RETREG2: variants seen among roughly 807,000 people sequenced by gnomAD.
RETREG2 encodes the protein reticulophagy regulator 2.
Under a neutral mutation model 51.6 loss-of-function variants are expected in RETREG2, and 21 were observed. That is an observed-to-expected ratio of 0.41 (90% CI 0.29 to 0.59). The LOEUF (loss-of-function observed/expected upper bound fraction) is 0.59, where lower values mean the gene tolerates loss of function less well. Among genes scored for constraint, RETREG2 ranks in the 20% least tolerant of loss-of-function variants. The probability of loss-of-function intolerance (pLI) is 0.34; values close to 1 mark genes in which losing one functional copy is unlikely to be tolerated. For missense variants in RETREG2, 674 were observed against 646.0 expected (o/e 1.04, Z -0.47); for synonymous variants, 339 against 288.6 (o/e 1.17, Z -1.77).
chr2:219,178,639 G>A lies in RETREG2; in HGVS notation c.281+6G>A. On this transcript the variant is annotated splice_donor_region_variant and intron_variant, in intron 1 of 8. Transcript: ENST00000430297. Reference sequence around the variant, plus strand: ...GCGCTCAACGGCCTCTTCTGGTAACGGCCGCGGAGGAGGGGGCGGGGCCGG... The same window carrying A: ...GCGCTCAACGGCCTCTTCTGGTAACAGCCGCGGAGGAGGGGGCGGGGCCGG... 6.9e-7 allele frequency: 1 copy of A among 1,443,366 alleles called. No individual in the cohort carries two copies. Among genetic ancestry groups the A allele is most frequent in the East Asian group, 2.8e-5 (1 of 35,260 alleles). The allele number at this position is 1,443,366 out of a possible 1,614,324, so 89.4% of individuals were successfully genotyped here. A position where few individuals can be genotyped will look rare whatever the true frequency, so the allele number is the denominator to read the frequency against.
Position 219,179,744 on chromosome 2 carries a change from G to A in RETREG2, c.400G>A (p.Glu134Lys). Residue 134 changes from glutamate (E) to lysine (K), a missense_variant, in exon 3 of 9, where the codon GAG becomes AAG. Physicochemically the swap from Glu to Lys is moderately conservative, Grantham distance 56. Coordinates refer to ENST00000430297, the MANE Select transcript of RETREG2 (RefSeq NM_024293.6). ...TCCTCTCTCTCTAGCATCATCCCCA[G>A]AGGAGCCACACTCTGACAGGTGAGT... ...FLPDVSASSPEEPHSDSEGAG... is the reference protein window; with the variant it reads ...FLPDVSASSPKEPHSDSEGAG... The A allele has an allele frequency of 6.2e-7, 1 of 1,614,078 alleles. No individual in the cohort carries two copies. Among genetic ancestry groups the A allele is most frequent in the South Asian group, 1.1e-5 (1 of 91,074 alleles).
chr2:219,180,351 G>C, intron 4 of RETREG2, 106 bp downstream of exon 4: 1 of 1,471,974 alleles, frequency 6.8e-7, no homozygotes, highest in Non-Finnish European at 9.4e-7. Context: ...GACCCTGAAA[G>C]AAGAGGCCTG....
rs1950331942 is a variant in RETREG2, at chr2:219,185,051, TC to T, written c.*2424del. 6.6e-6 allele frequency: 1 copy of T among 152,244 alleles called. No homozygotes were observed. Among genetic ancestry groups the T allele is most frequent in the South Asian group, 2.1e-4 (1 of 4,820 alleles). The allele number at this position is 152,244 out of a possible 1,614,324, so 9.4% of individuals were successfully genotyped here. A position where few individuals can be genotyped will look rare whatever the true frequency, so the allele number is the denominator to read the frequency against. On this transcript the variant is annotated 3_prime_UTR_variant, in exon 9 of 9. Coordinates refer to ENST00000430297, the MANE Select transcript of RETREG2 (RefSeq NM_024293.6). The stretch of plus-strand genomic sequence containing the variant: ...CATGTTGGCCAGGCTGGTCTCGAAC[TC>T]CTGACCTCAGGTGATTCACCCACCT...
chr2:219,181,551 A>C, intron 7 of RETREG2, 88 bp downstream of exon 7: 1 of 1,591,950 alleles, frequency 6.3e-7, no homozygotes, highest in Non-Finnish European at 8.6e-7. Flanking sequence ...AAGGAGGTGG[A>C]AGCCAGAGGT....
At chr2:219,180,452 C>G (rs922729341) in intron 4 of RETREG2, among the ~76,000 whole-genome samples, 2 of 152,232 alleles carry the variant, frequency 1.3e-5, no homozygotes, top group Non-Finnish European at 2.9e-5. Flanking sequence ...CTGACACTTT[C>G]TCCTGCCAAG....
chr2:219,180,472 T>C (rs573986200), intron 4 of RETREG2, among the ~76,000 whole-genome samples, 198 bp from the exon 5 acceptor site: 2 of 152,314 alleles, frequency 1.3e-5, no homozygotes, highest in African/African-American at 4.8e-5. Context: ...GGCAGACCAG[T>C]GTGAATTACA....
At chr2:219,181,849 C>T (rs1189742414) in intron 8 of RETREG2, 74 bp downstream of exon 8, 3 of 1,577,318 alleles carry the variant, frequency 1.9e-6, no homozygotes, top group South Asian at 1.2e-5. Context: ...TTACTGTGCT[C>T]TCTGGCCCAC....
chr2:219,178,879 C>T (rs1428742922), intron 1 of RETREG2, 43 bp from the exon 2 acceptor site: 1 of 1,414,338 alleles, frequency 7.1e-7, no homozygotes, highest in South Asian at 1.2e-5. Flanking sequence ...ATGCATGAGC[C>T]TGTCTCACCC....
chr2:219,181,858 A>G, intron 8 of RETREG2, 83 bp downstream of exon 8: 1 of 1,571,286 alleles, frequency 6.4e-7, no homozygotes, highest in Non-Finnish European at 8.7e-7. Flanking sequence ...TCTCTGGCCC[A>G]CTCACTCTCT....
At chr2:219,179,824 G>T in intron 3 of RETREG2, 61 bp downstream of exon 3, 3 of 1,536,248 alleles carry the variant, frequency 2.0e-6, no homozygotes, top group East Asian at 2.2e-5. Context: ...GCTGGTGCCA[G>T]TGTCACCATG....
chr2:219,182,056 A>G lies in RETREG2; in HGVS notation c.1059A>G (p.Leu353=). The G allele has an allele frequency of 6.2e-7, 1 of 1,614,114 alleles. No homozygotes were observed. The highest frequency in any genetic ancestry group is 8.5e-7 in the Non-Finnish European group (1 of 1,180,000). The change falls in exon 9 of 9, where the codon CTA becomes CTG. Residue 353 remains leucine, a synonymous_variant. Transcript: ENST00000430297. ...TGCCAAGTGAACCAGAGGAGACCCT[A>G]AGCCGGGACCTAGGGGAGGGAGAGG... The part of the protein sequence containing the change: ...QSLPSEPEET[L]SRDLGEGEEG...
At chr2:219,180,789 C>T (rs1365754060) in intron 5 of RETREG2, 35 bp downstream of exon 5, 9 of 1,609,574 alleles carry the variant, frequency 5.6e-6, no homozygotes, top group Non-Finnish European at 7.7e-6. Flanking sequence ...ATTTAAAGCC[C>T]TCTCCTTTCT....
chr2:219,182,540 C>G lies in RETREG2; in HGVS notation c.1543C>G (p.Pro515Ala). The G allele has an allele frequency of 6.2e-7, 1 of 1,614,176 alleles. No homozygotes were observed. Among genetic ancestry groups the G allele is most frequent in the Non-Finnish European group, 8.5e-7 (1 of 1,180,020 alleles). Residue 515 changes from proline (P) to alanine (A), a missense_variant, in exon 9 of 9, where the codon CCA becomes GCA. Transcript: ENST00000430297. ...AELGLEPETPPKPPDAPPLGP... is the reference protein window; with the variant it reads ...AELGLEPETPAKPPDAPPLGP... The stretch of plus-strand genomic sequence containing the variant: ...GCTGGGCTTGGAGCCAGAGACACCG[C>G]CAAAACCCCCTGATGCTCCACCCCT...
chr2:219,180,807 T>C lies in RETREG2; in HGVS notation c.640+53T>C. ...TAAAGCCCTCTCCTTTCTTCTTTCC[T>C]TGGACTGACCCAGAGGGAAGACTAT... On this transcript the variant is annotated intron_variant, in intron 5 of 8. Transcript: ENST00000430297. 3.1e-6 allele frequency: 5 copies of C among 1,589,888 alleles called. No homozygotes were observed. In the South Asian group the frequency reaches 5.5e-5, roughly 18 times the overall value.
intron 3 of RETREG2, 78 bp downstream of exon 3, chr2:219,179,841 G>C: frequency 6.8e-7 from 1 of 1,462,098 alleles, no homozygotes; most frequent in Non-Finnish European, 9.6e-7. Context: ...CATGGAGCAG[G>C]GCAGTGCCCC....
Position 219,180,237 on chromosome 2 carries a change from C to G in RETREG2, c.547C>G (p.Pro183Ala). 6.2e-7 allele frequency: 1 copy of G among 1,614,174 alleles called. No homozygotes were observed. The highest frequency in any genetic ancestry group is 8.5e-7 in the Non-Finnish European group (1 of 1,180,028). Residue 183 changes from proline (P) to alanine (A), a missense_variant, in exon 4 of 9, where the codon CCA (proline) becomes GCA (alanine). By Grantham distance (27) the Pro-to-Ala change is conservative. Transcript: ENST00000430297. ...QELLQYKRQN[P>A]AQFCVRVCSG... Reference sequence around the variant, plus strand: ...GCTGCTGCAGTACAAGAGGCAGAATCCAGCTCAGGTAACCTCCCCTACATC... The same window carrying G: ...GCTGCTGCAGTACAAGAGGCAGAATGCAGCTCAGGTAACCTCCCCTACATC...
Position 219,179,716 on chromosome 2 carries a change from CCCT to C in RETREG2, c.389-12_389-10del. On this transcript the variant is annotated splice_polypyrimidine_tract_variant and intron_variant, in intron 2 of 8. Coordinates refer to ENST00000430297, the MANE Select transcript of RETREG2 (RefSeq NM_024293.6). ...GCCCCTACCACTCAATAATTTGCCCCCCTCCTCTCTCTCTAGCATCATCCCCAG... is the reference window on the plus strand; with the variant it reads ...GCCCCTACCACTCAATAATTTGCCCCCCTCTCTCTCTAGCATCATCCCCAG... 1 of 1,613,832 alleles carries C rather than the reference CCCT, an allele frequency of 6.2e-7. No homozygotes were observed. Among genetic ancestry groups the C allele is most frequent in the South Asian group, 1.1e-5 (1 of 91,066 alleles).
Position 219,179,726 on chromosome 2 carries a change from T to C in RETREG2, c.389-7T>C, listed in dbSNP as rs758468018. The C allele has an allele frequency of 6.8e-6, 11 of 1,613,992 alleles. No individual in the cohort carries two copies. In the South Asian group the frequency reaches 1.2e-4, roughly 18 times the overall value. On this transcript the variant is annotated splice_region_variant and splice_polypyrimidine_tract_variant and intron_variant, in intron 2 of 8. Transcript: ENST00000430297. ...CTCAATAATTTGCCCCCCTCCTCTC[T>C]CTCTAGCATCATCCCCAGAGGAGCC...
rs1297054975 is a variant in RETREG2 at position 219,184,045 on chromosome 2, TACTA to T, written c.*1420_*1423del. 6.6e-6 allele frequency: 1 copy of T among 152,244 alleles called. No homozygotes were observed. Among genetic ancestry groups the T allele is most frequent in the Non-Finnish European group, 1.5e-5 (1 of 68,056 alleles). 9.4% of individuals were successfully genotyped at this position (152,244 alleles called of 1,614,324 possible). A position where few individuals can be genotyped will look rare whatever the true frequency, so the allele number is the denominator to read the frequency against. The stretch of plus-strand genomic sequence containing the variant: ...TCCTCACAGGTCAGATATATACTGT[TACTA>T]ACTTCATTTTATAGACAGGTTAAGC... On this transcript the variant is annotated 3_prime_UTR_variant, in exon 9 of 9. Transcript: ENST00000430297.
Sources: allele counts gnomAD v4.1 joint callset (sites outside exome capture counted in the v4.1 genomes callset), GRCh38; gene constraint gnomAD v4.1.1; transcripts MANE v1.5; gene names NCBI Gene and HGNC (gene_info 2026-07-23, HGNC 2026-07-21).